The following ZNF610 variants were observed in gnomAD, a reference collection of about 807,000 sequenced individuals.
ZNF610 encodes zink finger protein.
In ZNF610, 14 loss-of-function variants were observed where a neutral mutation model predicts 14.1. The observed-to-expected ratio is 0.99, with a 90% CI of 0.65 to 1.55. The LOEUF (loss-of-function observed/expected upper bound fraction) is 1.55, where lower values mean the gene tolerates loss of function less well. Among genes scored for constraint, ZNF610 ranks in the 40% most tolerant of loss-of-function variants. The pLI, the probability that ZNF610 is intolerant of heterozygous loss-of-function variation, is 0.00. For missense variants in ZNF610, 530 were observed against 558.0 expected, an observed-to-expected ratio of 0.95 and a Z score of 0.51; for synonymous variants, 185 against 187.6, an observed-to-expected ratio of 0.99 and a Z score of 0.11.
chr19:52,340,251 G>T (rs559016774), intron 1 of ZNF610, among the ~76,000 whole-genome samples: 3 of 152,230 alleles, frequency 2.0e-5, no homozygotes, highest in Non-Finnish European at 4.4e-5. Context: ...GGGCGTAGTG[G>T]CTTGTGCCTG....
intron 1 of ZNF610, among the ~76,000 whole-genome samples, chr19:52,340,662 G>T (rs986394270): frequency 7.7e-6 from 1 of 130,080 alleles, no homozygotes; most frequent in Non-Finnish European, 1.7e-5. Context: ...TAATTTTTTT[G>T]TCTAGGAAAT....
Position 52,353,825 on chromosome 19 carries a change from T to A in ZNF610, c.190+17T>A. On this transcript the variant is annotated intron_variant, in intron 4 of 5. Transcript: ENST00000403906. ...TCTTTCTGGGTGAGGATGACTTCCC[T>A]CCAGAAGCCGGGATCTGCTCTAATC... 4.4e-6 allele frequency: 7 copies of A among 1,604,740 alleles called. No homozygotes were observed. The highest frequency in any genetic ancestry group is 5.9e-6 in the Non-Finnish European group (7 of 1,177,222).
chr19:52,343,516 G>A (rs909339586), intron 1 of ZNF610, among the ~76,000 whole-genome samples: 10 of 151,788 alleles, frequency 6.6e-5, no homozygotes, highest in African/African-American at 2.2e-4. Context: ...GCAGCGAGCC[G>A]ATATCATGCT....
At chr19:52,333,274 G>A (rs1225622521), upstream of ZNF610, among the ~76,000 whole-genome samples, 3 of 152,342 alleles carry the variant, frequency 2.0e-5, no homozygotes, top group East Asian at 5.8e-4. Flanking sequence ...GCGCAGCCAA[G>A]CAGGCAGTAG....
chr19:52,337,853 A>G (rs1359664224), intron 1 of ZNF610, among the ~76,000 whole-genome samples: 1 of 152,232 alleles, frequency 6.6e-6, no homozygotes, highest in Admixed American at 6.5e-5. Flanking sequence ...GTTAGCTTCC[A>G]TTCACAATCC....
chr19:52,366,743 A>T lies in ZNF610; in HGVS notation c.1365A>T (p.Ser455=). 6.2e-7 allele frequency: 1 copy of T among 1,613,528 alleles called. No individual in the cohort carries two copies. Among genetic ancestry groups the T allele is most frequent in the Non-Finnish European group, 8.5e-7 (1 of 1,179,508 alleles). ...RHRKIHAGEN[S]LRTLQME ...GGAAAATTCATGCTGGAGAGAATTCACTGCGTACCTTACAGATGGAATGAA... is the reference window on the plus strand; with the variant it reads ...GGAAAATTCATGCTGGAGAGAATTCTCTGCGTACCTTACAGATGGAATGAA... The change falls in exon 6 of 6, where the codon TCA becomes TCT. Residue 455 remains serine, a synonymous_variant. Transcript: ENST00000403906.
chr19:52,355,294 G>A (rs1985471079), intron 5 of ZNF610, among the ~76,000 whole-genome samples: 2 of 152,130 alleles, frequency 1.3e-5, no homozygotes, highest in African/African-American at 4.8e-5. Context: ...CCCATTTCCT[G>A]TAATGGGAAG....
intron 5 of ZNF610, among the ~76,000 whole-genome samples, chr19:52,362,007 A>C (rs1765692743): frequency 6.6e-6 from 1 of 152,148 alleles, no homozygotes; most frequent in Non-Finnish European, 1.5e-5. Flanking sequence ...TTCAACCACA[A>C]ACTCCGAGGC....
At chr19:52,340,212 C>T (rs1984615489) in intron 1 of ZNF610, among the ~76,000 whole-genome samples, 1 of 152,066 alleles carries the variant, frequency 6.6e-6, no homozygotes, top group African/African-American at 2.4e-5. Flanking sequence ...ACTAGCCTGG[C>T]CAACGTGGTG....
intron 1 of ZNF610, among the ~76,000 whole-genome samples, chr19:52,341,178 T>C (rs1218914469): frequency 6.6e-6 from 1 of 152,224 alleles, no homozygotes; most frequent in East Asian, 1.9e-4. Context: ...ACTAAAATCT[T>C]GTTTATATTC....
At position 52,354,355 on chromosome 19, in the gene ZNF610, G is replaced by T. The variant is rs763853307; in HGVS notation, c.295G>T (p.Glu99Ter). The change falls in exon 5 of 6, where the codon GAA (glutamate) becomes TAA (stop). Residue 99 changes from glutamate (E) to a stop codon, truncating the protein, a stop_gained. Coordinates refer to ENST00000403906, the MANE Select transcript of ZNF610 (RefSeq NM_001161425.2). LOFTEE classifies it low-confidence loss of function (END_TRUNC). Reference protein sequence around the residue: ...VKIVKNTDGRECVRSVNTGRS... With the variant: ...VKIVKNTDGR ...AATAGTAAAAAATACAGATGGAAGGGAATGTGTCAGAAGCGTGAACACAGG... is the reference window on the plus strand; with the variant it reads ...AATAGTAAAAAATACAGATGGAAGGTAATGTGTCAGAAGCGTGAACACAGG... The T allele has an allele frequency of 6.2e-6, 10 of 1,613,970 alleles. No individual in the cohort carries two copies. The highest frequency in any genetic ancestry group is 1.7e-5 in the Admixed American group (1 of 59,980).
chr19:52,362,014 A>G (rs974269879), intron 5 of ZNF610, among the ~76,000 whole-genome samples: 2 of 152,166 alleles, frequency 1.3e-5, no homozygotes, highest in African/African-American at 2.4e-5. Flanking sequence ...ACAAACTCCG[A>G]GGCTAAGGTG....
intron 3 of ZNF610, among the ~76,000 whole-genome samples, chr19:52,351,040 C>A (rs911278865): frequency 2.6e-5 from 4 of 152,046 alleles, no homozygotes; most frequent in East Asian, 1.9e-4. Context: ...TAAATAAAAT[C>A]CTCAGTGATT....
At chr19:52,346,035 G>C (rs1984937844) in intron 1 of ZNF610, among the ~76,000 whole-genome samples, 2 of 151,064 alleles carry the variant, frequency 1.3e-5, no homozygotes, top group Non-Finnish European at 2.9e-5. Context: ...GTCTCACTCT[G>C]TCACCCAGGC....
Position 52,366,376 on chromosome 19 carries a change from A to G in ZNF610, c.998A>G (p.Asn333Ser). The change falls in exon 6 of 6, where the codon AAT becomes AGT. Residue 333 changes from asparagine to serine, a missense_variant. By Grantham distance (46) the Asn-to-Ser change is conservative (BLOSUM62 1). Transcript: ENST00000403906. ...TTCAGGCACAAATTTTCTCTAACCA[A>G]TCATCAGAGAAGTCACACGGCGGAA... ...KNFRHKFSLT[N>S]HQRSHTAEKP... The G allele has an allele frequency of 6.2e-7, 1 of 1,614,012 alleles. No homozygotes were observed. The highest frequency in any genetic ancestry group is 1.1e-5 in the South Asian group (1 of 91,074).
At chr19:52,346,221 G>T (rs924285353) in intron 1 of ZNF610, among the ~76,000 whole-genome samples, 2 of 150,878 alleles carry the variant, frequency 1.3e-5, no homozygotes, top group African/African-American at 5.0e-5. Context: ...GTCTCTCTCT[G>T]TTGCCCAGGC....
Position 52,366,740 on chromosome 19 carries a change from T to C in ZNF610, c.1362T>C (p.Asn454=), listed in dbSNP as rs1986108563. 2 of 1,613,790 alleles carry C rather than the reference T, an allele frequency of 1.2e-6. No homozygotes were observed. Among genetic ancestry groups the C allele is most frequent in the South Asian group, 1.1e-5 (1 of 91,076 alleles). Residue 454 remains asparagine, a synonymous_variant, in exon 6 of 6, where the codon AAT becomes AAC. Coordinates refer to ENST00000403906, the MANE Select transcript of ZNF610 (RefSeq NM_001161425.2). The part of the protein sequence containing the change: ...SRHRKIHAGE[N]SLRTLQME ...ATCGGAAAATTCATGCTGGAGAGAATTCACTGCGTACCTTACAGATGGAAT... is the reference window on the plus strand; with the variant it reads ...ATCGGAAAATTCATGCTGGAGAGAACTCACTGCGTACCTTACAGATGGAAT...
chr19:52,354,667 C>A (rs939707250), intron 5 of ZNF610, among the ~76,000 whole-genome samples: 5 of 148,958 alleles, frequency 3.4e-5, no homozygotes, highest in African/African-American at 5.0e-5. Context: ...CAACTTCTGC[C>A]TCCCAGGTTC....
intron 5 of ZNF610, among the ~76,000 whole-genome samples, chr19:52,363,729 T>C (rs1237208155): frequency 6.6e-6 from 1 of 152,244 alleles, no homozygotes; most frequent in Non-Finnish European, 1.5e-5. Context: ...TTTCCATCCT[T>C]TCAGTTTCAG....
Sources: allele counts gnomAD v4.1 joint callset (sites outside exome capture counted in the v4.1 genomes callset), GRCh38; gene constraint gnomAD v4.1.1; transcripts MANE v1.5; gene names NCBI Gene and HGNC (gene_info 2026-07-23, HGNC 2026-07-21).